The following RUNX3 variants were observed in gnomAD, a reference collection of about 807,000 sequenced individuals.
RUNX3 encodes the protein RUNX family transcription factor 3, also known as runt-related transcription factor 3.
A neutral mutation model predicts 27.7 loss-of-function variants in RUNX3; 10 were observed. That is an observed-to-expected ratio of 0.36 (90% confidence interval 0.22 to 0.61). The LOEUF is 0.61. Among genes scored for constraint, RUNX3 ranks in the 20% least tolerant of loss-of-function variants. RUNX3 has a pLI of 0.72. For synonymous variants in RUNX3, 270 were observed against 269.2 expected (o/e 1.00, Z -0.03); for missense variants, 469 against 629.5 (o/e 0.75, Z 2.73).
intron 2 of RUNX3, among the ~76,000 whole-genome samples, chr1:24,936,518 G>T (rs1032531330): frequency 1.3e-5 from 2 of 152,184 alleles, no homozygotes; most frequent in African/African-American, 4.8e-5. Context: ...GACTCGAAAG[G>T]GCTCTGAGAT....
rs1356872754 is a variant in RUNX3 at position 24,927,156 on chromosome 1, C to T, written c.439+418G>A. 6.6e-6 allele frequency among the ~76,000 whole-genome samples: 1 copy of T among 152,158 alleles called. No individual in the cohort carries two copies. The highest frequency in any genetic ancestry group is 2.4e-5 in the African/African-American group (1 of 41,432). ...TCAGAGTGTGGGGGATATTCTGCCC[C>T]CTATGGAGAGAGTGGCTGGGGTGCT... is the stretch of plus-strand genomic sequence containing the variant. On this transcript the variant is annotated intron_variant, in intron 2 of 4. Transcript: ENST00000308873. The surrounding 1 kb of genome is among the most constrained non-coding windows in gnomAD (Gnocchi z 5.0).
chr1:24,904,023 G>A lies in RUNX3; in HGVS notation c.704-1357C>T, dbSNP rs553522348. 2.0e-5 allele frequency among the ~76,000 whole-genome samples: 3 copies of A among 152,224 alleles called. No homozygotes were observed. Among genetic ancestry groups the A allele is most frequent in the South Asian group, 4.1e-4 (2 of 4,824 alleles). On this transcript the variant is annotated intron_variant, in intron 4 of 4. Coordinates refer to ENST00000308873, the MANE Select transcript of RUNX3 (RefSeq NM_004350.3). The surrounding 1 kb of genome is among the most constrained non-coding windows in gnomAD (Gnocchi z 5.7). ...GGTGTCTCTTACTCTGGGTACCCAG[G>A]AGAACTGGCTCATTCAGGGCCCTGC...
chr1:24,945,799 A>G (rs1641591638), intron 2 of RUNX3, among the ~76,000 whole-genome samples: 1 of 152,156 alleles, frequency 6.6e-6, no homozygotes, highest in Admixed American at 6.5e-5. Flanking sequence ...CTCCTCATAC[A>G]TCAAAGCCCT....
In RUNX3 at chr1:24,957,113, C is replaced by T. The variant is rs540355317; in HGVS notation, c.58+7401G>A. Among the ~76,000 whole-genome samples, 16 of 152,328 alleles carry T rather than the reference C, an allele frequency of 1.1e-4. No homozygotes were observed. In the East Asian group the frequency reaches 2.9e-3, roughly 28 times the overall value. On this transcript the variant is annotated intron_variant, in intron 2 of 6. Coordinates refer to the RUNX3 transcript ENST00000338888. ...ATAAGTTATATGCGTCTGCCCTTTC[C>T]GCCCACACGTAAGTCTGAACCTTTT...
intron 2 of RUNX3, among the ~76,000 whole-genome samples, chr1:24,954,100 T>C (rs922840637): frequency 2.0e-5 from 3 of 152,342 alleles, no homozygotes; most frequent in African/African-American, 7.2e-5. Flanking sequence ...TTGTTGAGGT[T>C]CTCAGACATA....
At position 24,901,860 on chromosome 1, in the gene RUNX3, C is replaced by T; in HGVS notation, c.*262G>A. On this transcript the variant is annotated 3_prime_UTR_variant, in exon 5 of 5. Coordinates refer to ENST00000308873, the MANE Select transcript of RUNX3 (RefSeq NM_004350.3). ...GGGGGGTGGCAGGAGGCTGATTCCC[C>T]ACAGAAGTATGGGATGAGACGGCCA... The T allele has an allele frequency of 2.1e-6, 1 of 473,050 alleles. No individual in the cohort carries two copies. 29.3% of individuals were successfully genotyped at this position (473,050 alleles called of 1,614,324 possible).
intron 3 of RUNX3, among the ~76,000 whole-genome samples, chr1:24,915,327 G>C (rs939090375): frequency 6.6e-6 from 1 of 152,176 alleles, no homozygotes; most frequent in Non-Finnish European, 1.5e-5. Context: ...GGGAGGCTGA[G>C]GCAAGAGAAT....
intron 2 of RUNX3, among the ~76,000 whole-genome samples, chr1:24,957,738 C>T (rs1641980920): frequency 6.6e-6 from 1 of 152,212 alleles, no homozygotes; most frequent in South Asian, 2.1e-4. Flanking sequence ...GTGATACACA[C>T]TACCTCATTA....
At position 24,962,841 on chromosome 1, in the gene RUNX3, C is replaced by A. The variant is rs1412754259; in HGVS notation, c.58+1673G>T. On this transcript the variant is annotated intron_variant, in intron 2 of 6. Coordinates refer to the RUNX3 transcript ENST00000338888. This position sits in a 1 kb window ranked among gnomAD's most constrained non-coding sequence, Gnocchi z 4.5. ...GGATCAGGACCCAGCCCAGGCCGAC[C>A]GGGGCTCTAGCCCTGTCTCCCAAGG... 2 of 152,284 alleles carry A rather than the reference C, an allele frequency of 1.3e-5. No homozygotes were observed. Among genetic ancestry groups the A allele is most frequent in the Admixed American group, 1.3e-4 (2 of 15,290 alleles). The allele number at this position is 152,284 out of a possible 1,614,324, so 9.4% of individuals were successfully genotyped here.
Position 24,929,818 on chromosome 1 carries a change from G to A in RUNX3, c.51C>T (p.Ser17=). ...PSTSRRFTPP[S]PAFPCGGGGG... Reference sequence around the variant, plus strand: ...CGCCGCCGCCGCAGGGGAAGGCCGGGGAGGGAGGTGTGAAGCGGCGGCTGG... The same window carrying A: ...CGCCGCCGCCGCAGGGGAAGGCCGGAGAGGGAGGTGTGAAGCGGCGGCTGG... The change falls in exon 1 of 5, where the codon TCC becomes TCT. Residue 17 remains serine, a synonymous_variant. Transcript: ENST00000308873. The A allele has an allele frequency of 1.4e-6, 2 of 1,406,296 alleles. No homozygotes were observed. Among genetic ancestry groups the A allele is most frequent in the Non-Finnish European group, 1.8e-6 (2 of 1,090,692 alleles). 87.1% of individuals were successfully genotyped at this position (1,406,296 alleles called of 1,614,324 possible).
chr1:24,907,977 CCTCTACAACACGCGGTGATCT>C (rs1640704305), intron 3 of RUNX3, among the ~76,000 whole-genome samples: 3 of 152,216 alleles, frequency 2.0e-5, no homozygotes, highest in East Asian at 1.9e-4. Context: ...GTGATCTAAA[CCTCTACAACACGCGGTGATCT>C]AAACCTCTAC....
chr1:24,941,046 G>T (rs1024949475), intron 2 of RUNX3, among the ~76,000 whole-genome samples: 1 of 152,192 alleles, frequency 6.6e-6, no homozygotes, highest in Non-Finnish European at 1.5e-5. Context: ...ATGCTCAAAT[G>T]TGCATAATAT....
At position 24,904,542 on chromosome 1, in the gene RUNX3, G is replaced by C. The variant is rs936397605; in HGVS notation, c.704-1876C>G. 2.6e-5 allele frequency among the ~76,000 whole-genome samples: 4 copies of C among 152,198 alleles called. No individual in the cohort carries two copies. The highest frequency in any genetic ancestry group is 2.0e-4 in the Admixed American group (3 of 15,292). ...CAGTTTTCATCTGGGGAGCCCCTCGGGGGGAGAGGTCCTGTTGCAGGTGCT... is the reference window on the plus strand; with the variant it reads ...CAGTTTTCATCTGGGGAGCCCCTCGCGGGGAGAGGTCCTGTTGCAGGTGCT... On this transcript the variant is annotated intron_variant, in intron 4 of 4. Coordinates refer to ENST00000308873, the MANE Select transcript of RUNX3 (RefSeq NM_004350.3). The surrounding 1 kb of genome is among the most constrained non-coding windows in gnomAD (Gnocchi z 5.7).
chr1:24,920,477 C>T lies in RUNX3; in HGVS notation c.440-1133G>A, dbSNP rs181933506. 1.9e-4 allele frequency among the ~76,000 whole-genome samples: 29 copies of T among 152,264 alleles called. No homozygotes were observed. The East Asian group carries it at 3.7e-3, about 19-fold the overall frequency. On this transcript the variant is annotated intron_variant, in intron 2 of 4. Transcript: ENST00000308873. Reference sequence around the variant, plus strand: ...CTATCAAGATGGAAGATCTTTTACACGCTCTTGATTTTGTTTGCCTTTTTT... The same window carrying T: ...CTATCAAGATGGAAGATCTTTTACATGCTCTTGATTTTGTTTGCCTTTTTT...
At position 24,902,106 on chromosome 1, in the gene RUNX3, G is replaced by A. The variant is rs1411801288; in HGVS notation, c.*16C>T. On this transcript the variant is annotated 3_prime_UTR_variant, in exon 5 of 5. Coordinates refer to ENST00000308873, the MANE Select transcript of RUNX3 (RefSeq NM_004350.3). The surrounding 1 kb of genome is among the most constrained non-coding windows in gnomAD (Gnocchi z 9.2). ...TTAGGGTCCCCGCCTCCAGCGGGAG[G>A]AGTCCACCAGGGCGGTCAGTAGGGC... 6.6e-7 allele frequency: 1 copy of A among 1,515,112 alleles called. No homozygotes were observed. The highest frequency in any genetic ancestry group is 8.8e-7 in the Non-Finnish European group (1 of 1,129,996). 93.9% of individuals were successfully genotyped at this position (1,515,112 alleles called of 1,614,324 possible). A position where few individuals can be genotyped will look rare whatever the true frequency, so the allele number is the denominator to read the frequency against.
At chr1:24,924,473 G>A (rs1373422877) in intron 2 of RUNX3, among the ~76,000 whole-genome samples, 1 of 151,454 alleles carries the variant, frequency 6.6e-6, no homozygotes, top group Non-Finnish European at 1.5e-5. Flanking sequence ...CAGAAGGAAA[G>A]ACAGTTCTTT....
upstream of RUNX3, chr1:24,965,002 T>C (rs1642221413): frequency 1.2e-5 from 3 of 244,924 alleles, 1 homozygote; most frequent in South Asian, 1.4e-4. This position sits in a 1 kb window ranked among gnomAD's most constrained non-coding sequence, Gnocchi z 5.4. Flanking sequence ...CCACGGGGAA[T>C]GAATGAATGA....
chr1:24,964,496 T>C (rs1438339264), intron 2 of RUNX3: 10 of 1,601,452 alleles, frequency 6.2e-6, no homozygotes, highest in African/African-American at 1.3e-5. Flanking sequence ...CCCAGGGCCC[T>C]GGGCTATTGT....
At chr1:24,932,723 C>T (rs1199413497), upstream of RUNX3, among the ~76,000 whole-genome samples, 2 of 152,190 alleles carry the variant, frequency 1.3e-5, no homozygotes, top group African/African-American at 4.8e-5. Context: ...CAAAAATTGT[C>T]GTCTGTTTGA....
Sources: gnomAD v4.1 joint callset for allele counts (sites outside exome capture counted in the v4.1 genomes callset) on GRCh38, gnomAD v4.1.1 for gene constraint, Gnocchi (gnomAD v3.1) non-coding constraint, MANE v1.5 for transcripts, NCBI Gene and HGNC (gene_info 2026-07-23, HGNC 2026-07-21) for gene names.